Variants in RNF216 observed in about 807,000 individuals in gnomAD.
The protein encoded by RNF216 is ring finger protein 216.
Under a neutral mutation model 110.8 loss-of-function variants are expected in RNF216, and 72 were observed. That is an observed-to-expected ratio of 0.65 (90% CI 0.54 to 0.79). The LOEUF (loss-of-function observed/expected upper bound fraction) is 0.79. RNF216 is among the 30% of genes least tolerant of loss of function. The probability of loss-of-function intolerance (pLI) is 0.00; values close to 1 mark genes in which losing one functional copy is unlikely to be tolerated. For missense variants in RNF216, 1,342 were observed against 1,141.2 expected (o/e 1.18, Z -2.54); for synonymous variants, 495 against 407.5 (o/e 1.21, Z -2.59).
intron 13 of RNF216, among the ~76,000 whole-genome samples, chr7:5,670,050 C>T (rs936197610): frequency 6.6e-6 from 1 of 152,016 alleles, no homozygotes; most frequent in African/African-American, 2.4e-5. Flanking sequence ...TCTCAGCCTC[C>T]CGATTAGCTG....
intron 15 of RNF216, among the ~76,000 whole-genome samples, chr7:5,628,503 T>C (rs1479642119): frequency 6.6e-6 from 1 of 152,182 alleles, no homozygotes; most frequent in African/African-American, 2.4e-5. Context: ...TTAGCTAATA[T>C]GTTAGACTCT....
intron 13 of RNF216, among the ~76,000 whole-genome samples, chr7:5,666,143 G>A (rs1326963686): frequency 3.3e-5 from 5 of 149,384 alleles, no homozygotes; most frequent in Admixed American, 1.3e-4. Context: ...TCCAGCCTGG[G>A]CGACAGAGTG....
At chr7:5,742,095 G>A (rs1794790044) in intron 3 of RNF216, among the ~76,000 whole-genome samples, 1 of 152,182 alleles carries the variant, frequency 6.6e-6, no homozygotes, top group African/African-American at 2.4e-5. Context: ...TACCCAGGCT[G>A]GAGTGCAATG....
chr7:5,624,852 G>A lies in RNF216; in HGVS notation c.2383-727C>T, dbSNP rs796153252. On this transcript the variant is annotated intron_variant, in intron 15 of 16. Coordinates refer to ENST00000389902, the MANE Select transcript of RNF216 (RefSeq NM_207111.4). This position sits in a 1 kb window ranked among gnomAD's most constrained non-coding sequence, Gnocchi z 4.4. The stretch of plus-strand genomic sequence containing the variant: ...GGGGCCACACTGGGCAAGCCCCAGA[G>A]GTTGGGTTTTTGCCACATGCAGCTC... Among the ~76,000 whole-genome samples, 71 of 152,382 alleles carry A rather than the reference G, an allele frequency of 4.7e-4. No individual in the cohort carries two copies. Among genetic ancestry groups the A allele is most frequent in the African/African-American group, 1.7e-3 (70 of 41,596 alleles).
chr7:5,655,180 G>A (rs1325305573), intron 13 of RNF216, among the ~76,000 whole-genome samples: 3 of 152,202 alleles, frequency 2.0e-5, no homozygotes, highest in South Asian at 4.1e-4. Context: ...TGGCCAGGCT[G>A]GAGCCAGGTG....
intron 13 of RNF216, among the ~76,000 whole-genome samples, chr7:5,684,409 C>T (rs1298676742): frequency 6.6e-6 from 1 of 152,142 alleles, no homozygotes; most frequent in Non-Finnish European, 1.5e-5. Flanking sequence ...GCCTGGCCCA[C>T]AAGCTGGGCC....
intron 13 of RNF216, among the ~76,000 whole-genome samples, chr7:5,668,114 A>G (rs1279234383): frequency 1.3e-5 from 2 of 152,150 alleles, no homozygotes; most frequent in Non-Finnish European, 2.9e-5. Flanking sequence ...CAGACAGGAC[A>G]TCTTGCAAGG....
intron 13 of RNF216, among the ~76,000 whole-genome samples, chr7:5,672,420 CAAG>C (rs1044184392): frequency 6.6e-6 from 1 of 152,116 alleles, no homozygotes; most frequent in Non-Finnish European, 1.5e-5. Context: ...AATTTAATAA[CAAG>C]AAGTGAAGCA....
chr7:5,739,562 G>A (rs1384688602), intron 4 of RNF216: 1 of 641,232 alleles, frequency 1.6e-6, no homozygotes, highest in Non-Finnish European at 2.9e-6. Context: ...TGAGAGATCT[G>A]GTTCTCTGTC....
At chr7:5,669,055 G>A (rs561783721) in intron 13 of RNF216, among the ~76,000 whole-genome samples, 95 of 152,318 alleles carry the variant, frequency 6.2e-4, no homozygotes, top group African/African-American at 2.0e-3. Flanking sequence ...GCATTAGAGA[G>A]TATTTCAACG....
intron 13 of RNF216, among the ~76,000 whole-genome samples, chr7:5,690,911 G>T (rs186646712): frequency 3.3e-4 from 50 of 152,254 alleles, no homozygotes; most frequent in African/African-American, 9.9e-4. Context: ...TGCGATTTGG[G>T]GGCTGAAGAC....
intron 13 of RNF216, among the ~76,000 whole-genome samples, chr7:5,687,394 CAAAAAAAA>C (rs372177142): frequency 2.0e-5 from 1 of 49,898 alleles, no homozygotes; most frequent in Non-Finnish European, 4.5e-5. Flanking sequence ...AACTCCACCT[CAAAAAAAA>C]AAAAAAAAAA....
intron 13 of RNF216, among the ~76,000 whole-genome samples, chr7:5,683,226 A>C (rs1201295643): frequency 6.6e-6 from 1 of 152,196 alleles, no homozygotes; most frequent in Non-Finnish European, 1.5e-5. Context: ...GAATCTATGT[A>C]GCCCTTAGCA....
chr7:5,767,509 C>T (rs1351692798), intron 1 of RNF216, among the ~76,000 whole-genome samples: 1 of 152,064 alleles, frequency 6.6e-6, no homozygotes, highest in Non-Finnish European at 1.5e-5. Flanking sequence ...TAACCTATGC[C>T]ACATACATGC....
intron 13 of RNF216, among the ~76,000 whole-genome samples, chr7:5,704,254 C>T (rs1332395029): frequency 6.6e-6 from 1 of 152,172 alleles, no homozygotes; most frequent in Non-Finnish European, 1.5e-5. Context: ...AATATAAACG[C>T]CTCATTTCAG....
intron 13 of RNF216, among the ~76,000 whole-genome samples, chr7:5,670,679 A>G (rs1789846784): frequency 6.6e-6 from 1 of 152,130 alleles, no homozygotes; most frequent in Admixed American, 6.5e-5. Context: ...GACCTTTGGA[A>G]GCAAAAGTAC....
At chr7:5,728,051 T>C (rs1793865144) in intron 7 of RNF216, among the ~76,000 whole-genome samples, 1 of 152,244 alleles carries the variant, frequency 6.6e-6, no homozygotes, top group South Asian at 2.1e-4. Context: ...TCTCAGCACA[T>C]TGGCAACCAA....
At chr7:5,743,153 C>T (rs1423689937) in intron 3 of RNF216, among the ~76,000 whole-genome samples, 1 of 151,782 alleles carries the variant, frequency 6.6e-6, no homozygotes, top group Non-Finnish European at 1.5e-5. Flanking sequence ...CCCAGCTACT[C>T]GGGAGGCTGA....
intron 5 of RNF216, 40 bp downstream of exon 5, chr7:5,739,230 TACCACC>T (rs746317006): frequency 2.0e-5 from 29 of 1,485,470 alleles, no homozygotes; most frequent in Middle Eastern, 3.6e-4. Flanking sequence ...ACATATATTT[TACCACC>T]ACCACCACCA....
Sources: allele counts gnomAD v4.1 joint callset (sites outside exome capture counted in the v4.1 genomes callset), GRCh38; gene constraint gnomAD v4.1.1; non-coding constraint Gnocchi (gnomAD v3.1); transcripts MANE v1.5; gene names NCBI Gene and HGNC (gene_info 2026-07-23, HGNC 2026-07-21).